The following GCAT variants were observed in gnomAD, a reference collection of about 807,000 sequenced individuals.
The protein encoded by GCAT is glycine C-acetyltransferase, also known as 2-amino-3-ketobutyrate coenzyme A ligase, mitochondrial.
GCAT carries 26 observed loss-of-function variants against 39.7 expected under a neutral mutation model. The ratio of observed to expected loss-of-function variants is 0.65; its 90% CI spans 0.48 to 0.91. The LOEUF (loss-of-function observed/expected upper bound fraction) is 0.91, where lower values mean the gene tolerates loss of function less well. GCAT is among the 40% of genes least tolerant of loss of function. The pLI is 0.00. For synonymous variants in GCAT, 218 were observed against 237.2 expected (o/e 0.92, Z 0.74); for missense variants, 550 against 576.2 (o/e 0.95, Z 0.47).
intron 3 of GCAT, 58 bp downstream of exon 3, chr22:37,813,046 C>G: frequency 1.6e-6 from 2 of 1,224,144 alleles, no homozygotes; most frequent in Non-Finnish European, 2.4e-6. Flanking sequence ...CTGAGGAAGG[C>G]TTGGGTGTGG....
chr22:37,813,767 C>CT (rs918287366), intron 4 of GCAT, among the ~76,000 whole-genome samples, 158 bp downstream of exon 4: 204 of 146,042 alleles, frequency 1.4e-3, no homozygotes, highest in Middle Eastern at 3.6e-3. Context: ...GAGCATTATT[C>CT]TTTTTTTTTT....
At position 37,808,120 on chromosome 22, in the gene GCAT, G is replaced by C. The variant is rs1285701081; in HGVS notation, c.153G>C (p.Thr51=). Residue 51 remains threonine (T), a synonymous_variant, in exon 1 of 9, where the codon ACG becomes ACC. Transcript: ENST00000248924. ...AGTWKSERVI[T]SRQGPHIRVD... ...CTTGGAAGAGTGAGCGGGTCATCAC[G>C]TCCCGTCAGGGGCCGCACATCCGCG... The C allele has an allele frequency of 2.6e-6, 4 of 1,554,488 alleles. No homozygotes were observed. The highest frequency in any genetic ancestry group is 1.2e-5 in the South Asian group (1 of 83,648).
At chr22:37,813,849 T>A (rs1921878109) in intron 4 of GCAT, among the ~76,000 whole-genome samples, 1 of 151,180 alleles carries the variant, frequency 6.6e-6, no homozygotes, top group Admixed American at 6.6e-5. Context: ...CACTGCAACC[T>A]CCACCTCCTG....
intron 4 of GCAT, among the ~76,000 whole-genome samples, 171 bp downstream of exon 4, chr22:37,813,780 C>T (rs1333443138): frequency 1.0e-4 from 15 of 149,984 alleles, no homozygotes; most frequent in African/African-American, 3.4e-4. Context: ...TTTTTTTTTT[C>T]CCTGAGACAG....
chr22:37,809,516 T>C (rs1921336496), intron 1 of GCAT, among the ~76,000 whole-genome samples: 1 of 152,074 alleles, frequency 6.6e-6, no homozygotes, highest in Non-Finnish European at 1.5e-5. Context: ...TTGGGTAGAA[T>C]GTGATTCAAA....
Position 37,816,393 on chromosome 22 carries a change from C to G in GCAT, c.1108+72C>G, listed in dbSNP as rs538740629. ...AGAAAGGGAAACCCCTAGACTGTGA[C>G]CCAGCCCCGTACCCAGCCACGCTGC... On this transcript the variant is annotated intron_variant, in intron 8 of 8. Coordinates refer to ENST00000248924, the MANE Select transcript of GCAT (RefSeq NM_014291.4). The G allele has an allele frequency of 6.4e-6, 10 of 1,572,650 alleles. No individual in the cohort carries two copies. In the African/African-American group the frequency reaches 8.1e-5, roughly 13 times the overall value.
intron 8 of GCAT, 112 bp downstream of exon 8, chr22:37,816,433 G>A (rs1922207586): frequency 1.3e-6 from 2 of 1,527,010 alleles, no homozygotes; most frequent in Non-Finnish European, 1.8e-6. Context: ...TCTTAGGCCA[G>A]CTGTCTGTCT....
At chr22:37,816,117 T>C (rs1569084271) in intron 7 of GCAT, 83 bp from the exon 8 acceptor site, 1 of 1,510,294 alleles carries the variant, frequency 6.6e-7, no homozygotes, top group Non-Finnish European at 8.9e-7. Flanking sequence ...GACTTGGGCA[T>C]AGACCTCGGG....
At chr22:37,808,550 T>C (rs1283255273) in intron 1 of GCAT, among the ~76,000 whole-genome samples, 1 of 152,210 alleles carries the variant, frequency 6.6e-6, no homozygotes, top group African/African-American at 2.4e-5. Flanking sequence ...CGCTGGAATA[T>C]TGGAGCTGGA....
At chr22:37,815,301 A>C in intron 5 of GCAT, 21 bp downstream of exon 5, 3 of 1,610,030 alleles carry the variant, frequency 1.9e-6, no homozygotes, top group Non-Finnish European at 2.5e-6. Flanking sequence ...GTGGCACCTG[A>C]GGCCTGGGGT....
intron 3 of GCAT, 62 bp from the exon 4 acceptor site, chr22:37,813,401 C>T (rs1921816737): frequency 1.3e-6 from 2 of 1,518,936 alleles, no homozygotes; most frequent in African/African-American, 1.4e-5. Context: ...TGCTGGAGTC[C>T]CGGTCAAGGG....
At chr22:37,812,785 C>A in intron 2 of GCAT, 102 bp from the exon 3 acceptor site, 1 of 775,346 alleles carries the variant, frequency 1.3e-6, no homozygotes, top group Non-Finnish European at 2.3e-6. Flanking sequence ...AGGCTGCAGG[C>A]TTTCTGGGTT....
At position 37,816,592 on chromosome 22, in the gene GCAT, C is replaced by T. The variant is rs1922225388; in HGVS notation, c.1134C>T (p.Tyr378=). 1 of 1,614,200 alleles carries T rather than the reference C, an allele frequency of 6.2e-7. No homozygotes were observed. The highest frequency in any genetic ancestry group is 1.3e-5 in the African/African-American group (1 of 75,066). ...KRGIFVIGFS[Y]PVVPKGKARI... ...GCATCTTTGTCATCGGGTTCAGCTA[C>T]CCCGTGGTCCCCAAGGGCAAGGCCC... is the stretch of plus-strand genomic sequence containing the variant. Residue 378 remains tyrosine (Y), a synonymous_variant, in exon 9 of 9, where the codon TAC becomes TAT. Coordinates refer to ENST00000248924, the MANE Select transcript of GCAT (RefSeq NM_014291.4).
At chr22:37,815,034 A>G in intron 4 of GCAT, 92 bp from the exon 5 acceptor site, 1 of 1,279,852 alleles carries the variant, frequency 7.8e-7, no homozygotes, top group Non-Finnish European at 1.1e-6. Context: ...GGCACTGGGC[A>G]GGATGAGCTC....
intron 2 of GCAT, among the ~76,000 whole-genome samples, 168 bp downstream of exon 2, chr22:37,810,325 G>C (rs1921438207): frequency 6.6e-6 from 1 of 152,152 alleles, no homozygotes; most frequent in Non-Finnish European, 1.5e-5. Flanking sequence ...TTGCTGAAAA[G>C]CTTTGGCCAA....
chr22:37,816,516 C>T (rs1412923421), intron 8 of GCAT, 51 bp from the exon 9 acceptor site: 1 of 1,604,778 alleles, frequency 6.2e-7, no homozygotes, highest in Admixed American at 1.7e-5. Flanking sequence ...CCTCTGTGTT[C>T]TGCCCCCAAG....
rs778136034 is a variant in GCAT at position 37,816,234 on chromosome 22, A to G, written c.1021A>G (p.Ile341Val). 6 of 1,613,114 alleles carry G rather than the reference A, an allele frequency of 3.7e-6. No homozygotes were observed. The highest frequency in any genetic ancestry group is 2.7e-5 in the African/African-American group (2 of 74,822). Reference sequence around the variant, plus strand: ...TAAGATGGAAGCTGCTGGCTTCACTATCTCGGGAGCCAGTCACCCCATCTG... The same window carrying G: ...TAAGATGGAAGCTGCTGGCTTCACTGTCTCGGGAGCCAGTCACCCCATCTG... Reference protein sequence around the residue: ...RSKMEAAGFTISGASHPICPV... With the variant: ...RSKMEAAGFTVSGASHPICPV... The change falls in exon 8 of 9, where the codon ATC becomes GTC. Residue 341 changes from isoleucine to valine, a missense_variant. By Grantham distance (29) the Ile-to-Val change is conservative. Coordinates refer to ENST00000248924, the MANE Select transcript of GCAT (RefSeq NM_014291.4).
chr22:37,813,231 C>A, intron 3 of GCAT: 1 of 663,742 alleles, frequency 1.5e-6, no homozygotes, highest in South Asian at 1.7e-5. Context: ...CTGGGGGAGG[C>A]GGGGGCCTGG....
At chr22:37,810,548 G>A (rs1484434698) in intron 2 of GCAT, among the ~76,000 whole-genome samples, 2 of 126,778 alleles carry the variant, frequency 1.6e-5, no homozygotes, top group Admixed American at 1.0e-4. Flanking sequence ...ATGGAGTCTC[G>A]CTCTGTCGCT....
Sources: gnomAD v4.1 joint callset for allele counts (sites outside exome capture counted in the v4.1 genomes callset) on GRCh38, gnomAD v4.1.1 for gene constraint, MANE v1.5 for transcripts, NCBI Gene and HGNC (gene_info 2026-07-23, HGNC 2026-07-21) for gene names.